The following RPAP3 variants were observed in gnomAD, a reference collection of about 807,000 sequenced individuals.
The protein encoded by RPAP3 is RNA polymerase II associated protein 3, also known as RNA polymerase II-associated protein 3.
In RPAP3, 58 loss-of-function variants were observed where a neutral mutation model predicts 88.8. The ratio of observed to expected loss-of-function variants is 0.65; its 90% CI spans 0.53 to 0.81. The LOEUF (loss-of-function observed/expected upper bound fraction) is 0.81. RPAP3 is among the 40% of genes least tolerant of loss of function. The pLI, the probability that RPAP3 is intolerant of heterozygous loss-of-function variation, is 0.00. For missense variants in RPAP3, 751 were observed against 764.3 expected (o/e 0.98, Z 0.20); for synonymous variants, 255 against 259.9 (o/e 0.98, Z 0.18).
In RPAP3 at chr12:47,671,105, A is replaced by G. The variant is rs189282742; in HGVS notation, c.1288-760T>C. Among the ~76,000 whole-genome samples, 612 of 152,272 alleles carry G rather than the reference A, an allele frequency of 4.0e-3. 2 individuals carry two copies. Among genetic ancestry groups the G allele is most frequent in the Middle Eastern group, 0.01 (3 of 294 alleles). On this transcript the variant is annotated intron_variant, in intron 12 of 16. Coordinates refer to ENST00000005386, the MANE Select transcript of RPAP3 (RefSeq NM_024604.3). The stretch of plus-strand genomic sequence containing the variant: ...ATGGCTTTCATTGTTTATCTCAATC[A>G]CTACACACGTGTCATTTTCAACTTA...
chr12:47,678,824 T>C (rs1939167030), intron 12 of RPAP3, among the ~76,000 whole-genome samples: 1 of 152,224 alleles, frequency 6.6e-6, no homozygotes, highest in African/African-American at 2.4e-5. Flanking sequence ...GTTCAACCAT[T>C]GTGGAAGACA....
At chr12:47,700,808 C>T (rs1939640290) in intron 3 of RPAP3, among the ~76,000 whole-genome samples, 1 of 152,180 alleles carries the variant, frequency 6.6e-6, no homozygotes, top group South Asian at 2.1e-4. Context: ...GTCACACAGC[C>T]CCAGTCCTAA....
At chr12:47,679,661 T>C (rs1318353410) in intron 11 of RPAP3, 43 bp downstream of exon 11, 1 of 1,533,178 alleles carries the variant, frequency 6.5e-7, no homozygotes. Context: ...TATATTTATG[T>C]TTCAGAAAAT....
chr12:47,668,343 G>C (rs190604155), intron 14 of RPAP3, among the ~76,000 whole-genome samples: 100 of 152,226 alleles, frequency 6.6e-4, no homozygotes, highest in Non-Finnish European at 1.5e-4. Context: ...CTTATGAGCA[G>C]AAGAGATATA....
rs770268726 is a variant in RPAP3, at chr12:47,697,755, A to G, written c.295-36T>C. The G allele has an allele frequency of 3.9e-6, 6 of 1,552,608 alleles. No individual in the cohort carries two copies. The Admixed American group carries it at 1.1e-4, about 29-fold the overall frequency. ...AAGACGGAAAACAGGGGTCATAATT[A>G]TATGATTAGGAAAAAAAAGAAAAAA... On this transcript the variant is annotated intron_variant, in intron 3 of 16. Coordinates refer to ENST00000005386, the MANE Select transcript of RPAP3 (RefSeq NM_024604.3).
intron 7 of RPAP3, among the ~76,000 whole-genome samples, chr12:47,688,664 G>A (rs558097763): frequency 2.7e-4 from 41 of 152,050 alleles, no homozygotes; most frequent in Non-Finnish European, 5.0e-4. Flanking sequence ...AATATTCACA[G>A]TCATTATTTG....
chr12:47,668,821 T>A, intron 14 of RPAP3, 95 bp downstream of exon 14: 1 of 869,734 alleles, frequency 1.1e-6, no homozygotes, highest in South Asian at 1.6e-5. Context: ...TACAATAATA[T>A]CCTATAAAAA....
intron 4 of RPAP3, among the ~76,000 whole-genome samples, chr12:47,696,710 T>C (rs1005274501): frequency 6.6e-6 from 1 of 152,206 alleles, no homozygotes; most frequent in African/African-American, 2.4e-5. Flanking sequence ...TAAATACACA[T>C]TCTCTTCCTT....
intron 12 of RPAP3, among the ~76,000 whole-genome samples, chr12:47,677,330 C>G (rs1407633594): frequency 3.9e-5 from 6 of 152,106 alleles, no homozygotes; most frequent in Non-Finnish European, 8.8e-5. Flanking sequence ...TGAAAACCAG[C>G]ACAAGACAAG....
intron 13 of RPAP3, 126 bp downstream of exon 13, chr12:47,669,981 G>T: frequency 3.2e-6 from 2 of 621,204 alleles, no homozygotes; most frequent in Non-Finnish European, 5.6e-6. Flanking sequence ...AGAAAAGCTA[G>T]AAACTTAAGT....
At chr12:47,703,638 T>G (rs960284712) in intron 1 of RPAP3, among the ~76,000 whole-genome samples, 1 of 152,176 alleles carries the variant, frequency 6.6e-6, no homozygotes, top group African/African-American at 2.4e-5. Context: ...GTTGGAACTT[T>G]AGCTGGATTT....
Position 47,663,414 on chromosome 12 carries a change from TATA to T in RPAP3, c.*88_*90del, listed in dbSNP as rs971169153. 127 of 772,474 alleles carry T rather than the reference TATA, an allele frequency of 1.6e-4. No homozygotes were observed. The African/African-American group carries it at 2.0e-3, about 12-fold the overall frequency. 47.9% of individuals were successfully genotyped at this position (772,474 alleles called of 1,614,324 possible). A position where few individuals can be genotyped will look rare whatever the true frequency, so the allele number is the denominator to read the frequency against. On this transcript the variant is annotated 3_prime_UTR_variant, in exon 17 of 17. Transcript: ENST00000005386. ...GTTCAAAGATAGTCCTTTCCTGCTA[TATA>T]ATTTCATTTTCTTAAAAAGCAAAAC...
chr12:47,695,349 C>T (rs1478825926), intron 5 of RPAP3, among the ~76,000 whole-genome samples: 1 of 151,876 alleles, frequency 6.6e-6, no homozygotes, highest in African/African-American at 2.4e-5. Context: ...CTTTTAAGCT[C>T]AAAAATAAGC....
intron 5 of RPAP3, among the ~76,000 whole-genome samples, chr12:47,691,457 C>T (rs902424291): frequency 6.6e-6 from 1 of 152,224 alleles, no homozygotes; most frequent in Admixed American, 6.5e-5. Context: ...GACCTCCTCC[C>T]ATGAATTATG....
intron 9 of RPAP3, 88 bp from the exon 10 acceptor site, chr12:47,681,905 G>A (rs1296040724): frequency 2.3e-6 from 3 of 1,287,754 alleles, no homozygotes. Context: ...TAAAAAGCTT[G>A]TATATAATTT....
At chr12:47,666,401 A>G (rs1348661577) in intron 16 of RPAP3, among the ~76,000 whole-genome samples, 1 of 152,124 alleles carries the variant, frequency 6.6e-6, no homozygotes, top group East Asian at 1.9e-4. Flanking sequence ...GAACCACTAC[A>G]TGTATCATTC....
intron 14 of RPAP3, among the ~76,000 whole-genome samples, 187 bp downstream of exon 14, chr12:47,668,729 T>G (rs1434733637): frequency 6.6e-6 from 1 of 152,206 alleles, no homozygotes; most frequent in East Asian, 1.9e-4. Flanking sequence ...TAGAATCTAT[T>G]GCCAAAGGAG....
chr12:47,704,731 G>A (rs1034022097), intron 1 of RPAP3, among the ~76,000 whole-genome samples: 12 of 151,942 alleles, frequency 7.9e-5, no homozygotes, highest in Non-Finnish European at 5.9e-5. Context: ...CCAACCGCAG[G>A]TGGCTCATGC....
At chr12:47,667,114 G>T in intron 15 of RPAP3, 34 bp from the exon 16 acceptor site, 1 of 950,792 alleles carries the variant, frequency 1.1e-6, no homozygotes, top group Non-Finnish European at 1.5e-6. Context: ...CAAATGATCA[G>T]TTAAAAGCAG....
Sources: allele counts gnomAD v4.1 joint callset (sites outside exome capture counted in the v4.1 genomes callset), GRCh38; gene constraint gnomAD v4.1.1; transcripts MANE v1.5; gene names NCBI Gene and HGNC (gene_info 2026-07-23, HGNC 2026-07-21).